DDX31: variants seen among roughly 807,000 people sequenced by gnomAD.
DDX31 encodes the protein ATP-dependent DNA helicase DDX31.
Under a neutral mutation model 91.3 loss-of-function variants are expected in DDX31, and 70 were observed. The ratio of observed to expected loss-of-function variants is 0.77; its 90% CI spans 0.63 to 0.94. DDX31 has a LOEUF of 0.94. Among genes scored for constraint, DDX31 ranks in the 40% least tolerant of loss-of-function variants. The pLI is 0.00. For synonymous variants in DDX31, 362 were observed against 350.6 expected, an observed-to-expected ratio of 1.03 and a Z score of -0.36; for missense variants, 902 against 925.0, an observed-to-expected ratio of 0.98 and a Z score of 0.32.
intron 19 of DDX31, among the ~76,000 whole-genome samples, chr9:132,605,441 A>G (rs544099688): frequency 7.2e-5 from 11 of 152,356 alleles, no homozygotes; most frequent in African/African-American, 2.6e-4. Context: ...AAACCTGTAC[A>G]ACGCAAACAC....
Position 132,605,899 on chromosome 9 carries a change from T to C in DDX31, c.1994+6188A>G, listed in dbSNP as rs34392265. Among the ~76,000 whole-genome samples, 19 of 151,878 alleles carry C rather than the reference T, an allele frequency of 1.3e-4. No homozygotes were observed. In the East Asian group the frequency reaches 2.3e-3, roughly 19 times the overall value. On this transcript the variant is annotated intron_variant, in intron 19 of 19. Coordinates refer to ENST00000372159, the MANE Select transcript of DDX31 (RefSeq NM_022779.9). Reference sequence around the variant, plus strand: ...AGCCAGGGCAAGATGCGGTGAGGGCTGTGGAGGTGCTAGCTGACTGCGGTG... The same window carrying C: ...AGCCAGGGCAAGATGCGGTGAGGGCCGTGGAGGTGCTAGCTGACTGCGGTG...
At chr9:132,618,482 A>T in intron 17 of DDX31, 41 bp from the exon 18 acceptor site, 2 of 1,558,870 alleles carry the variant, frequency 1.3e-6, no homozygotes, top group Non-Finnish European at 1.8e-6. Context: ...GATAGAGTCA[A>T]GGTCAGGAAT....
rs528075418 is a variant in DDX31 at position 132,660,260 on chromosome 9, G to A, written c.453-480C>T. 2.0e-4 allele frequency among the ~76,000 whole-genome samples: 31 copies of A among 151,668 alleles called. 1 individual carries two copies. The South Asian group carries it at 4.8e-3, about 23-fold the overall frequency. On this transcript the variant is annotated intron_variant, in intron 4 of 19. Coordinates refer to ENST00000372159, the MANE Select transcript of DDX31 (RefSeq NM_022779.9). ...TGAGGCAGGAGAATCGCTTGAACCT[G>A]GGAGGCAGAGATTGTAGTGAGCCAA...
At chr9:132,607,633 G>C (rs1831097413) in intron 19 of DDX31, among the ~76,000 whole-genome samples, 1 of 152,198 alleles carries the variant, frequency 6.6e-6, no homozygotes, top group Admixed American at 6.5e-5. Flanking sequence ...CAGCAGACTT[G>C]CTCTTTCGTA....
chr9:132,669,799 CGCGGCGCGCCCACAGCCGGGCCGCGGGTG>C, intron 1 of DDX31, 32 bp downstream of exon 1: 1 of 1,521,634 alleles, frequency 6.6e-7, no homozygotes, highest in Non-Finnish European at 8.8e-7. Flanking sequence ...GGCTGCAGCT[CGCGGCGCGCCCACAGCCGGGCCGCGGGTG>C]GGGACGGAGC....
intron 6 of DDX31, among the ~76,000 whole-genome samples, chr9:132,657,063 T>C (rs933186849): frequency 7.2e-5 from 11 of 152,222 alleles, no homozygotes; most frequent in African/African-American, 1.9e-4. Flanking sequence ...CTATTACTTA[T>C]GAAACTGGGG....
At chr9:132,608,270 C>T (rs185248717) in intron 19 of DDX31, among the ~76,000 whole-genome samples, 45 of 152,260 alleles carry the variant, frequency 3.0e-4, no homozygotes, top group Non-Finnish European at 3.4e-4. Flanking sequence ...GTGTAGGTGT[C>T]AGAAGAGTTT....
At chr9:132,598,939 G>A (rs965776133) in intron 19 of DDX31, among the ~76,000 whole-genome samples, 5 of 152,078 alleles carry the variant, frequency 3.3e-5, no homozygotes, top group East Asian at 1.9e-4. Context: ...TATCCACAAC[G>A]GTCACTGAAC....
chr9:132,616,552 A>T (rs1831638555), intron 18 of DDX31, among the ~76,000 whole-genome samples: 1 of 152,186 alleles, frequency 6.6e-6, no homozygotes, highest in Admixed American at 6.5e-5. Context: ...TTCCACTGCA[A>T]CTTTGATACC....
At chr9:132,643,817 T>C (rs1400903642) in intron 13 of DDX31, among the ~76,000 whole-genome samples, 1 of 152,162 alleles carries the variant, frequency 6.6e-6, no homozygotes, top group Non-Finnish European at 1.5e-5. Context: ...ACGATCATTT[T>C]TAATGGCTGC....
chr9:132,637,253 C>G (rs1590047454), intron 14 of DDX31, among the ~76,000 whole-genome samples: 1 of 152,198 alleles, frequency 6.6e-6, no homozygotes, highest in African/African-American at 2.4e-5. Context: ...CCCACCAAGA[C>G]TCAGCAGAGG....
intron 19 of DDX31, among the ~76,000 whole-genome samples, chr9:132,607,463 G>A (rs1390282259): frequency 6.6e-6 from 1 of 152,196 alleles, no homozygotes; most frequent in Non-Finnish European, 1.5e-5. Flanking sequence ...TGATAATGAA[G>A]ATGTCCCAGA....
chr9:132,617,674 C>T (rs926963382), intron 18 of DDX31, among the ~76,000 whole-genome samples: 2 of 152,262 alleles, frequency 1.3e-5, no homozygotes, highest in East Asian at 3.9e-4. Context: ...CAGTCTCTGG[C>T]CAAGACATCC....
intron 13 of DDX31, among the ~76,000 whole-genome samples, chr9:132,643,707 C>T (rs999618513): frequency 4.6e-5 from 7 of 152,114 alleles, no homozygotes; most frequent in Non-Finnish European, 1.0e-4. Context: ...GGTAAAGGGC[C>T]GGAATGATAT....
intron 6 of DDX31, among the ~76,000 whole-genome samples, chr9:132,657,636 A>T (rs573873572): frequency 6.6e-6 from 1 of 152,344 alleles, no homozygotes; most frequent in Admixed American, 6.5e-5. Flanking sequence ...CTAATTCTGC[A>T]TATCCAAACT....
rs1833811306 is a variant in DDX31, at chr9:132,646,000, G to A, written c.1275C>T (p.Phe425=). The A allele has an allele frequency of 6.2e-7, 1 of 1,614,126 alleles. No homozygotes were observed. Among genetic ancestry groups the A allele is most frequent in the Non-Finnish European group, 8.5e-7 (1 of 1,180,020 alleles). ...CTGAGCTGCTCAGCAGGGTCTGTAG[G>A]AAGAGGCTGTAGTGGAACTCCACCA... ...CELVEFHYSL[F]LQTLLSSSGA... Residue 425 remains phenylalanine (F), a synonymous_variant, in exon 13 of 20, where the codon TTC becomes TTT. Transcript: ENST00000372159.
chr9:132,648,500 A>T lies in DDX31; in HGVS notation c.792T>A (p.Asp264Glu). ...GAATGTTCTTTGTGGATTTTATATGATCCACCAGGCGTCCAGGAGTTGAGA... is the reference window on the plus strand; with the variant it reads ...GAATGTTCTTTGTGGATTTTATATGTTCCACCAGGCGTCCAGGAGTTGAGA... ...ILISTPGRLV[D>E]HIKSTKNIHF... is the part of the protein sequence containing the mutation. Residue 264 changes from aspartate to glutamate, a missense_variant, in exon 10 of 20, where the codon GAT (aspartate) becomes GAA (glutamate). Physicochemically the swap from Asp to Glu is conservative, Grantham distance 45. Coordinates refer to ENST00000372159, the MANE Select transcript of DDX31 (RefSeq NM_022779.9). 6.2e-7 allele frequency: 1 copy of T among 1,613,910 alleles called. No homozygotes were observed. Among genetic ancestry groups the T allele is most frequent in the Non-Finnish European group, 8.5e-7 (1 of 1,179,956 alleles).
At chr9:132,624,426 G>A (rs1045589783) in intron 17 of DDX31, among the ~76,000 whole-genome samples, 2 of 152,088 alleles carry the variant, frequency 1.3e-5, no homozygotes, top group East Asian at 3.8e-4. Flanking sequence ...TCTTTGCTGT[G>A]GTTGATCAAA....
chr9:132,620,804 G>C (rs1831981168), intron 17 of DDX31, among the ~76,000 whole-genome samples: 1 of 151,778 alleles, frequency 6.6e-6, no homozygotes, highest in Non-Finnish European at 1.5e-5. Context: ...AAACCCCTGA[G>C]GGCACATGGA....
Sources: gnomAD v4.1 joint callset for allele counts (sites outside exome capture counted in the v4.1 genomes callset) on GRCh38, gnomAD v4.1.1 for gene constraint, MANE v1.5 for transcripts, NCBI Gene and HGNC (gene_info 2026-07-23, HGNC 2026-07-21) for gene names.